MFSD11: variants seen among roughly 807,000 people sequenced by gnomAD.
The protein encoded by MFSD11 is major facilitator superfamily domain containing 11.
A neutral mutation model predicts 53.5 loss-of-function variants in MFSD11; 36 were observed. The ratio of observed to expected loss-of-function variants is 0.67; its 90% CI spans 0.52 to 0.89. The LOEUF (loss-of-function observed/expected upper bound fraction) is 0.89. Ranked by LOEUF, MFSD11 falls within the 40% of genes least tolerant of loss-of-function variation. MFSD11 has a pLI of 0.00. For missense variants in MFSD11, 530 were observed against 543.9 expected (o/e 0.97, Z 0.25); for synonymous variants, 186 against 184.9 (o/e 1.01, Z -0.05).
chr17:76,740,718 G>A (rs2144083269), intron 2 of MFSD11, among the ~76,000 whole-genome samples: 1 of 152,300 alleles, frequency 6.6e-6, no homozygotes, highest in East Asian at 1.9e-4. Context: ...TTACCAGTAT[G>A]TAAAAAATGT....
chr17:76,779,420 G>A (rs1231380784), downstream of MFSD11: 1 of 151,884 alleles, frequency 6.6e-6, no homozygotes, highest in Non-Finnish European at 1.5e-5. Context: ...ATAGCAAGGA[G>A]TGGCCAGTTA....
At chr17:76,791,053 G>GGTAGAAGGT in the MFSD11 span, among the ~76,000 whole-genome samples, 1 of 148,808 alleles carries the variant, frequency 6.7e-6, no homozygotes, top group Non-Finnish European at 1.5e-5. Flanking sequence ...TTTGTGTGAA[G>GGTAGAAGGT]GTAGAAGGTC....
chr17:76,738,154 T>C lies in MFSD11; in HGVS notation c.-199T>C. The C allele has an allele frequency of 1.7e-6, 1 of 603,566 alleles. No individual in the cohort carries two copies. Among genetic ancestry groups the C allele is most frequent in the Non-Finnish European group, 2.9e-6 (1 of 341,534 alleles). 37.4% of individuals were successfully genotyped at this position (603,566 alleles called of 1,614,324 possible). A position where few individuals can be genotyped will look rare whatever the true frequency, so the allele number is the denominator to read the frequency against. On this transcript the variant is annotated 5_prime_UTR_variant, in exon 1 of 13. Transcript: ENST00000685175. ...GTACTCGGATCGCTTCTTAGGAGTA[T>C]CCTAACTGCCGGTGGGGAGAACTTC... is the stretch of plus-strand genomic sequence containing the variant.
chr17:76,778,091 G>C (rs2082006215), intron 12 of MFSD11, 97 bp from the exon 13 acceptor site: 2 of 1,185,038 alleles, frequency 1.7e-6, no homozygotes, highest in Admixed American at 2.0e-5. Context: ...GTGAGTTCCA[G>C]GTGTCCTTGG....
chr17:76,775,899 TTGTTAGAA>T, intron 11 of MFSD11, among the ~76,000 whole-genome samples: 1 of 152,340 alleles, frequency 6.6e-6, no homozygotes, highest in South Asian at 2.1e-4. Flanking sequence ...AGACCAGAGT[TTGTTAGAA>T]TGTAAAGGTG....
upstream of MFSD11, chr17:76,737,321 G>C (rs3744061): frequency 4.5e-5 from 44 of 975,418 alleles, no homozygotes; most frequent in African/African-American, 6.7e-4. Flanking sequence ...TAGCGCACCT[G>C]AGTAACAACT....
chr17:76,772,140 G>A (rs1428446630), intron 10 of MFSD11, among the ~76,000 whole-genome samples: 1 of 152,054 alleles, frequency 6.6e-6, no homozygotes, highest in Admixed American at 6.6e-5. Flanking sequence ...TGCGAAAATA[G>A]GCCAGGCACA....
chr17:76,757,380 C>A (rs1387298266), intron 8 of MFSD11, among the ~76,000 whole-genome samples: 4 of 152,070 alleles, frequency 2.6e-5, no homozygotes, highest in Non-Finnish European at 4.4e-5. Context: ...GGGGCCAGTT[C>A]CTGGGCAATT....
rs149029129 is a variant in MFSD11, at chr17:76,763,006, C to T, written c.683-4380C>T. Among the ~76,000 whole-genome samples the T allele has an allele frequency of 8.2e-4, 124 of 152,064 alleles. No homozygotes were observed. In the South Asian group the frequency reaches 0.013, roughly 16 times the overall value. On this transcript the variant is annotated intron_variant, in intron 8 of 12. Coordinates refer to ENST00000685175, the MANE Select transcript of MFSD11 (RefSeq NM_001242532.5). Reference sequence around the variant, plus strand: ...GCCCCAGGCCTTCCAAGAAGGTTTGCGTCTTATAATTTTCCCCACCATCCT... The same window carrying T: ...GCCCCAGGCCTTCCAAGAAGGTTTGTGTCTTATAATTTTCCCCACCATCCT...
In MFSD11 at chr17:76,778,482, C is replaced by G. The variant is rs184811689; in HGVS notation, c.*130C>G. 2.4e-3 allele frequency: 2,131 copies of G among 879,736 alleles called. 28 individuals are homozygous for G. In the African/African-American group the frequency reaches 0.031, roughly 13 times the overall value. The allele number at this position is 879,736 out of a possible 1,614,324, so 54.5% of individuals were successfully genotyped here. A position where few individuals can be genotyped will look rare whatever the true frequency, so the allele number is the denominator to read the frequency against. ...AGTATGGAAAATCAAGGGATTAAGA[C>G]TGTTAAATCAGCCAGAGTTGGTGTT... is the stretch of plus-strand genomic sequence containing the variant. On this transcript the variant is annotated 3_prime_UTR_variant, in exon 13 of 13. Transcript: ENST00000685175.
chr17:76,798,009 G>A, the MFSD11 span, among the ~76,000 whole-genome samples: 1,973 of 150,536 alleles, frequency 0.013, 40 homozygotes, highest in African/African-American at 0.045. Context: ...TCAGCCTCCC[G>A]AGTAGCTGGA....
At chr17:76,789,937 A>G in the MFSD11 span, among the ~76,000 whole-genome samples, 14 of 150,352 alleles carry the variant, frequency 9.3e-5, 1 homozygote, top group African/African-American at 2.7e-4. Context: ...TGGTTAAGAG[A>G]TAATTAACTT....
intron 7 of MFSD11, among the ~76,000 whole-genome samples, chr17:76,751,199 G>T (rs1233950310): frequency 6.6e-6 from 1 of 151,562 alleles, no homozygotes; most frequent in Non-Finnish European, 1.5e-5. Context: ...GACTATCCTG[G>T]CTAACACGGT....
chr17:76,797,642 A>G, the MFSD11 span, among the ~76,000 whole-genome samples: 1 of 151,936 alleles, frequency 6.6e-6, no homozygotes, highest in African/African-American at 2.4e-5. Context: ...TCATCCTGTG[A>G]CTAAGAATGC....
intron 8 of MFSD11, among the ~76,000 whole-genome samples, chr17:76,759,818 T>C (rs1446641413): frequency 7.4e-6 from 1 of 135,910 alleles, no homozygotes; most frequent in Non-Finnish European, 1.6e-5. Context: ...TTTCACCATG[T>C]TGGCCAGACT....
intron 8 of MFSD11, among the ~76,000 whole-genome samples, chr17:76,764,878 C>T (rs1598696891): frequency 1.3e-5 from 2 of 152,270 alleles, no homozygotes; most frequent in South Asian, 4.1e-4. Context: ...AATTTACATC[C>T]TCACCAATAG....
At chr17:76,771,059 T>C (rs2081341295) in intron 10 of MFSD11, among the ~76,000 whole-genome samples, 1 of 152,112 alleles carries the variant, frequency 6.6e-6, no homozygotes, top group Non-Finnish European at 1.5e-5. Flanking sequence ...AAAAAAACAA[T>C]CATTGGCCAT....
At chr17:76,741,090 T>G (rs1200261490) in intron 3 of MFSD11, 26 bp downstream of exon 3, 1 of 1,299,718 alleles carries the variant, frequency 7.7e-7, no homozygotes, top group Non-Finnish European at 1.1e-6. Context: ...TTGCACTTAT[T>G]TAATCAGAAC....
intron 8 of MFSD11, among the ~76,000 whole-genome samples, chr17:76,762,112 A>T (rs1161335550): frequency 6.6e-6 from 1 of 151,806 alleles, no homozygotes; most frequent in Non-Finnish European, 1.5e-5. Flanking sequence ...TCCCTAAGGC[A>T]CTCCCAACTT....
Sources: allele counts gnomAD v4.1 joint callset (sites outside exome capture counted in the v4.1 genomes callset), GRCh38; gene constraint gnomAD v4.1.1; transcripts MANE v1.5; gene names NCBI Gene and HGNC (gene_info 2026-07-23, HGNC 2026-07-21).